The following ARHGEF9 variants were observed in gnomAD, a reference collection of about 807,000 sequenced individuals.
The protein encoded by ARHGEF9 is rho guanine nucleotide exchange factor 9.
Under a neutral mutation model 41.3 loss-of-function variants are expected in ARHGEF9, and 2 were observed. The ratio of observed to expected loss-of-function variants is 0.05; its 90% confidence interval spans 0.02 to 0.15. ARHGEF9 has a LOEUF of 0.15. Among genes scored for constraint, ARHGEF9 ranks in the 10% least tolerant of loss-of-function variants. The pLI is 1.00. For synonymous variants in ARHGEF9, 160 were observed against 154.4 expected, an observed-to-expected ratio of 1.04 and a Z score of -0.27; for missense variants, 225 against 424.7, an observed-to-expected ratio of 0.53 and a Z score of 4.13.
At chrX:63,699,606 C>A (rs1556392997) in intron 3 of ARHGEF9, among the ~76,000 whole-genome samples, 2 of 111,867 alleles carry the variant, frequency 1.8e-5, no homozygotes, top group African/African-American at 3.2e-5. Flanking sequence ...TCAAGGAAAT[C>A]ATTTTCTTTC....
At chrX:63,661,424 T>G (rs1395620568) in intron 7 of ARHGEF9, among the ~76,000 whole-genome samples, 1 of 111,933 alleles carries the variant, frequency 8.9e-6, no homozygotes, top group African/African-American at 3.2e-5. Flanking sequence ...GATCTGCTCC[T>G]TTCCACAGTA....
chrX:63,662,724 T>G (rs147395148), intron 7 of ARHGEF9, among the ~76,000 whole-genome samples: 1 of 112,074 alleles, frequency 8.9e-6, no homozygotes, highest in Non-Finnish European at 1.9e-5. Flanking sequence ...CCTCATAGGT[T>G]TGTTGTGAGG....
At chrX:63,724,953 T>C in intron 1 of ARHGEF9, 3 of 401,961 alleles carry the variant, frequency 7.5e-6, no homozygotes, top group Middle Eastern at 1.4e-3. Flanking sequence ...ATATGCCTCA[T>C]GCTTTTTATC....
chrX:63,642,376 C>T (rs1172679844), intron 9 of ARHGEF9: 1 of 112,113 alleles, frequency 8.9e-6, no homozygotes, highest in Non-Finnish European at 1.9e-5. Context: ...CTAACACCAT[C>T]TCTCACATGT....
intron 7 of ARHGEF9, 147 bp from the exon 8 acceptor site, chrX:63,655,884 T>A: frequency 1.5e-6 from 1 of 688,155 alleles, no homozygotes; most frequent in Non-Finnish European, 2.2e-6. Flanking sequence ...CAGGTTATAC[T>A]AGTAGTCTGA....
At chrX:63,686,064 C>G (rs1309934024) in intron 4 of ARHGEF9, among the ~76,000 whole-genome samples, 9 of 111,757 alleles carry the variant, frequency 8.1e-5, no homozygotes, top group African/African-American at 2.9e-4. Context: ...AATACTGGCA[C>G]TTGCATATTT....
intron 1 of ARHGEF9, among the ~76,000 whole-genome samples, chrX:63,745,945 G>A (rs1302499161): frequency 1.8e-5 from 2 of 111,973 alleles, no homozygotes; most frequent in African/African-American, 6.5e-5. Flanking sequence ...CAGACCATCT[G>A]TGCTTTTTCC....
chrX:63,748,559 C>A (rs1271988488), intron 1 of ARHGEF9, among the ~76,000 whole-genome samples: 1 of 111,969 alleles, frequency 8.9e-6, no homozygotes, highest in African/African-American at 3.2e-5. Context: ...GCCAACTTCA[C>A]AAGAGAGTAG....
At chrX:63,773,357 C>T (rs1416325903) in intron 1 of ARHGEF9, among the ~76,000 whole-genome samples, 1 of 111,779 alleles carries the variant, frequency 8.9e-6, no homozygotes, top group African/African-American at 3.3e-5. Context: ...GATTTCTTAG[C>T]ACTCATAGAA....
At chrX:63,672,076 T>C (rs2049992366) in intron 6 of ARHGEF9, among the ~76,000 whole-genome samples, 2 of 111,083 alleles carry the variant, frequency 1.8e-5, no homozygotes, top group South Asian at 7.7e-4. Context: ...TGGGGGATGA[T>C]GGTCATGAGA....
At chrX:63,784,502 C>T (rs1162160940) in intron 1 of ARHGEF9, among the ~76,000 whole-genome samples, 3 of 112,430 alleles carry the variant, frequency 2.7e-5, no homozygotes, top group African/African-American at 9.7e-5. Context: ...GCTGTCTCTC[C>T]TTGACAAAGC....
chrX:63,734,382 T>C (rs1396157101), intron 1 of ARHGEF9, among the ~76,000 whole-genome samples: 2 of 112,008 alleles, frequency 1.8e-5, no homozygotes, highest in Non-Finnish European at 3.8e-5. Context: ...TGTCAAGTTA[T>C]TCTGGGATAT....
chrX:63,757,849 T>C (rs1373216425), intron 1 of ARHGEF9, among the ~76,000 whole-genome samples: 2 of 112,426 alleles, frequency 1.8e-5, no homozygotes, highest in Non-Finnish European at 3.7e-5. Flanking sequence ...TGCCTTCCTA[T>C]ATTGCTGAAA....
chrX:63,746,700 G>T (rs2055298501), intron 1 of ARHGEF9, among the ~76,000 whole-genome samples: 1 of 112,369 alleles, frequency 8.9e-6, no homozygotes, highest in Non-Finnish European at 1.9e-5. Context: ...TTAACCAAGT[G>T]AATGGCTACT....
chrX:63,739,754 A>G (rs1460405272), intron 1 of ARHGEF9, among the ~76,000 whole-genome samples: 3 of 112,411 alleles, frequency 2.7e-5, no homozygotes, highest in Non-Finnish European at 5.6e-5. Context: ...TGTAATTACA[A>G]CCTGGATGAA....
chrX:63,722,418 T>TG (rs1391839461), intron 2 of ARHGEF9, among the ~76,000 whole-genome samples: 3 of 107,682 alleles, frequency 2.8e-5, no homozygotes, highest in African/African-American at 1.0e-4. Context: ...TTGTTTTTTT[T>TG]TTTTTTTTGT....
At chrX:63,663,487 C>T (rs1484531358) in intron 7 of ARHGEF9, among the ~76,000 whole-genome samples, 3 of 110,920 alleles carry the variant, frequency 2.7e-5, no homozygotes, top group Non-Finnish European at 5.7e-5. Flanking sequence ...AGCATCCTCA[C>T]CTCCTTTCTT....
intron 4 of ARHGEF9, 138 bp from the exon 5 acceptor site, chrX:63,678,710 T>C (rs2050425955): frequency 2.1e-6 from 1 of 475,479 alleles, no homozygotes; most frequent in Non-Finnish European, 3.6e-6. Flanking sequence ...AATTGATTCA[T>C]AATTTAATAA....
In ARHGEF9 at chrX:63,635,875, AAC is replaced by A. The variant is rs2047292757; in HGVS notation, c.*2151_*2152del. 1 of 139,829 alleles carries A rather than the reference AAC, an allele frequency of 7.2e-6. No individual in the cohort carries two copies. Among genetic ancestry groups the A allele is most frequent in the Admixed American group, 9.2e-5 (1 of 10,893 alleles). The allele number at this position is 139,829 out of a possible 1,213,427, so 11.5% of individuals were successfully genotyped here. ...GAAGGGAGGCCTGCATAGCTACCAA[AAC>A]ACTCTGCCAGACAGGATATTTTAGC... On this transcript the variant is annotated 3_prime_UTR_variant, in exon 10 of 10. Coordinates refer to ENST00000671741, the MANE Select transcript of ARHGEF9 (RefSeq NM_001353921.2).
Sources: allele counts gnomAD v4.1 joint callset (sites outside exome capture counted in the v4.1 genomes callset), GRCh38; gene constraint gnomAD v4.1.1; transcripts MANE v1.5; gene names NCBI Gene and HGNC (gene_info 2026-07-23, HGNC 2026-07-21).